The following TMTC2 variants were observed in gnomAD, a reference collection of about 807,000 sequenced individuals.
TMTC2 encodes the protein protein O-mannosyl-transferase TMTC2.
In TMTC2, 43 loss-of-function variants were observed where a neutral mutation model predicts 82.4. The observed-to-expected ratio is 0.52, with a 90% CI of 0.41 to 0.67. TMTC2 has a LOEUF of 0.67. TMTC2 is among the 30% of genes least tolerant of loss of function. The pLI is 0.00. For synonymous variants in TMTC2, 408 were observed against 381.9 expected, an observed-to-expected ratio of 1.07 and a Z score of -0.80; for missense variants, 919 against 1,012.4, an observed-to-expected ratio of 0.91 and a Z score of 1.25.
chr12:82,875,910 A>G (rs1872461838), intron 2 of TMTC2, among the ~76,000 whole-genome samples: 1 of 151,608 alleles, frequency 6.6e-6, no homozygotes, highest in African/African-American at 2.4e-5. Flanking sequence ...AAAAAAAAAA[A>G]AAAAAAAAAA....
intron 1 of TMTC2, among the ~76,000 whole-genome samples, chr12:82,753,370 A>G (rs1178995560): frequency 4.0e-5 from 6 of 150,652 alleles, no homozygotes; most frequent in African/African-American, 7.3e-5. Flanking sequence ...TTTTTTAGCA[A>G]AAGAGACTGA....
intron 3 of TMTC2, among the ~76,000 whole-genome samples, chr12:82,901,854 G>A (rs1874037675): frequency 6.6e-6 from 1 of 152,096 alleles, no homozygotes; most frequent in Non-Finnish European, 1.5e-5. Context: ...CACAGACTCA[G>A]TTTGCTTTGC....
chr12:83,125,050 A>G (rs1252764664), intron 11 of TMTC2, among the ~76,000 whole-genome samples: 1 of 152,182 alleles, frequency 6.6e-6, no homozygotes, highest in Non-Finnish European at 1.5e-5. Context: ...AGGATTCTGG[A>G]TACAGAAAGG....
rs369931052 is a variant in TMTC2 at position 82,871,450 on chromosome 12, G to T, written c.654+13870G>T. 8.6e-5 allele frequency among the ~76,000 whole-genome samples: 13 copies of T among 151,650 alleles called. No individual in the cohort carries two copies. The South Asian group carries it at 2.5e-3, about 29-fold the overall frequency. ...TGAATACAAATAATCTGTACTTGCA[G>T]GTGCAAAAGCTAATTTTATGAGTGC... On this transcript the variant is annotated intron_variant, in intron 2 of 11. Coordinates refer to ENST00000321196, the MANE Select transcript of TMTC2 (RefSeq NM_152588.3).
chr12:83,009,009 A>G (rs1880330400), intron 8 of TMTC2, among the ~76,000 whole-genome samples: 2 of 152,150 alleles, frequency 1.3e-5, no homozygotes, highest in Non-Finnish European at 2.9e-5. Flanking sequence ...TTAGTCAGTT[A>G]CATCTCAGTC....
intron 11 of TMTC2, among the ~76,000 whole-genome samples, chr12:83,096,653 T>C (rs926438925): frequency 6.6e-6 from 1 of 152,102 alleles, no homozygotes; most frequent in Non-Finnish European, 1.5e-5. Flanking sequence ...CTATTCACTA[T>C]CACTAGAACA....
At chr12:82,876,401 A>G (rs1267106532) in intron 2 of TMTC2, among the ~76,000 whole-genome samples, 1 of 152,168 alleles carries the variant, frequency 6.6e-6, no homozygotes, top group African/African-American at 2.4e-5. Context: ...GAGAGATAAT[A>G]GAAAGTTTAA....
intron 1 of TMTC2, among the ~76,000 whole-genome samples, chr12:82,739,116 C>G (rs1425848987): frequency 6.8e-6 from 1 of 146,914 alleles, no homozygotes; most frequent in Admixed American, 6.9e-5. Context: ...CCACTGCACT[C>G]TAGCCTGGGC....
chr12:82,721,099 AG>A (rs2136926469), intron 1 of TMTC2, among the ~76,000 whole-genome samples: 1 of 152,342 alleles, frequency 6.6e-6, no homozygotes, highest in Admixed American at 6.5e-5. Flanking sequence ...ATTTAACGAC[AG>A]GTTTTGTAAA....
chr12:82,743,420 C>T (rs1875520041), intron 1 of TMTC2, among the ~76,000 whole-genome samples: 1 of 149,054 alleles, frequency 6.7e-6, no homozygotes, highest in Non-Finnish European at 1.5e-5. Flanking sequence ...GCACTCCAAC[C>T]TGGGCTACAG....
intron 3 of TMTC2, among the ~76,000 whole-genome samples, chr12:82,910,363 A>G (rs1874567063): frequency 6.6e-6 from 1 of 152,106 alleles, no homozygotes; most frequent in Admixed American, 6.5e-5. Flanking sequence ...CCTCTAGGGG[A>G]ACATACGGAC....
At chr12:82,932,630 A>G (rs1418609572) in intron 4 of TMTC2, among the ~76,000 whole-genome samples, 1 of 152,124 alleles carries the variant, frequency 6.6e-6, no homozygotes, top group Admixed American at 6.5e-5. Context: ...ATTCACACAT[A>G]TGTTCTTTAC....
intron 1 of TMTC2, among the ~76,000 whole-genome samples, chr12:82,765,048 T>TA (rs1487518103): frequency 6.6e-6 from 1 of 152,046 alleles, no homozygotes; most frequent in Non-Finnish European, 1.5e-5. Context: ...AGAAACACCT[T>TA]AAAGATCTTG....
At chr12:82,740,536 C>T (rs1260397572) in intron 1 of TMTC2, among the ~76,000 whole-genome samples, 1 of 152,188 alleles carries the variant, frequency 6.6e-6, no homozygotes, top group Non-Finnish European at 1.5e-5. Context: ...GTTATGTACT[C>T]TGATCCTAGC....
At chr12:82,957,862 TAA>T (rs748280023) in intron 4 of TMTC2, among the ~76,000 whole-genome samples, 1 of 151,412 alleles carries the variant, frequency 6.6e-6, no homozygotes, top group Non-Finnish European at 1.5e-5. Flanking sequence ...AGTCAGTAAT[TAA>T]AAAAAAGAAA....
At chr12:82,750,901 C>G (rs1194221352) in intron 1 of TMTC2, among the ~76,000 whole-genome samples, 1 of 151,828 alleles carries the variant, frequency 6.6e-6, no homozygotes, top group Non-Finnish European at 1.5e-5. Flanking sequence ...TTTTTTTGAA[C>G]GAGGAAACTG....
At chr12:83,095,287 C>T (rs1249676138) in intron 11 of TMTC2, among the ~76,000 whole-genome samples, 1 of 149,790 alleles carries the variant, frequency 6.7e-6, no homozygotes, top group African/African-American at 2.5e-5. Flanking sequence ...GTCGCCCAGG[C>T]TGGAGTGCAG....
At chr12:82,838,706 A>G (rs1033559376) in intron 1 of TMTC2, among the ~76,000 whole-genome samples, 2 of 151,866 alleles carry the variant, frequency 1.3e-5, no homozygotes, top group Admixed American at 6.6e-5. Flanking sequence ...GTAAAAACAC[A>G]TGTCCCCTCT....
Position 82,933,360 on chromosome 12 carries a change from G to A in TMTC2, c.1598+2815G>A, listed in dbSNP as rs151021069. The stretch of plus-strand genomic sequence containing the variant: ...AATATGTTTGGTATCATATTTATAG[G>A]AACATTTTTTCTACTTATTTGCATA... On this transcript the variant is annotated intron_variant, in intron 4 of 11. Transcript: ENST00000321196. 3.9e-3 allele frequency among the ~76,000 whole-genome samples: 590 copies of A among 152,036 alleles called. 6 individuals are homozygous for A. The highest frequency in any genetic ancestry group is 0.017 in the Middle Eastern group (5 of 294).
Sources: gnomAD v4.1 joint callset for allele counts (sites outside exome capture counted in the v4.1 genomes callset) on GRCh38, gnomAD v4.1.1 for gene constraint, MANE v1.5 for transcripts, NCBI Gene and HGNC (gene_info 2026-07-23, HGNC 2026-07-21) for gene names.